PTPRT: variants seen among roughly 807,000 people sequenced by gnomAD.
PTPRT encodes the protein protein tyrosine phosphatase receptor type T.
A neutral mutation model predicts 176.8 loss-of-function variants in PTPRT; 56 were observed. That is an observed-to-expected ratio of 0.32 (90% CI 0.26 to 0.40). The LOEUF (loss-of-function observed/expected upper bound fraction) is 0.40, where lower values mean the gene tolerates loss of function less well. Ranked by LOEUF, PTPRT falls within the 10% of genes least tolerant of loss-of-function variation. The pLI is 1.00. For missense variants in PTPRT, 1,540 were observed against 1,908.2 expected, an observed-to-expected ratio of 0.81 and a Z score of 3.60; for synonymous variants, 783 against 739.0, an observed-to-expected ratio of 1.06 and a Z score of -0.96.
At chr20:42,971,840 C>A (rs1021586107) in intron 1 of PTPRT, among the ~76,000 whole-genome samples, 6 of 152,056 alleles carry the variant, frequency 3.9e-5, no homozygotes, top group Non-Finnish European at 8.8e-5. Flanking sequence ...ATTTCTAGAA[C>A]AAATGTTAAT....
intron 17 of PTPRT, among the ~76,000 whole-genome samples, chr20:42,156,158 G>A (rs1433782759): frequency 6.6e-6 from 1 of 152,136 alleles, no homozygotes; most frequent in African/African-American, 2.4e-5. Context: ...CTTCGGTTGA[G>A]GCTTCATGTC....
At chr20:42,453,675 T>TA (rs72516523) in intron 8 of PTPRT, among the ~76,000 whole-genome samples, 2 of 42,046 alleles carry the variant, frequency 4.8e-5, no homozygotes, top group African/African-American at 2.8e-4. Flanking sequence ...TTTTCTTTTC[T>TA]TTTTTTTTTT....
chr20:42,320,539 C>T (rs532752353), intron 11 of PTPRT, among the ~76,000 whole-genome samples: 6 of 152,306 alleles, frequency 3.9e-5, no homozygotes, highest in South Asian at 2.1e-4. Flanking sequence ...TTTTAGTCCA[C>T]GTTCTCCCAG....
intron 3 of PTPRT, among the ~76,000 whole-genome samples, chr20:42,787,934 T>C (rs1022689449): frequency 6.6e-6 from 1 of 152,144 alleles, no homozygotes; most frequent in Non-Finnish European, 1.5e-5. Context: ...TGCCAATATA[T>C]TACTAATATA....
rs777694770 is a variant in PTPRT at position 42,278,073 on chromosome 20, CTATATATATATATATA to C, written c.2176+4400_2176+4415del. On this transcript the variant is annotated intron_variant, in intron 13 of 30. Coordinates refer to ENST00000373187, the MANE Select transcript of PTPRT (RefSeq NM_007050.6). ...GATAGACATTAAACATGTAAGTAGA[CTATATATATATATATA>C]TATATATATATATATATATATATAT... Among the ~76,000 whole-genome samples the C allele has an allele frequency of 5.9e-3, 231 of 39,222 alleles. 2 individuals carry two copies. The highest frequency in any genetic ancestry group is 7.5e-3 in the Non-Finnish European group (141 of 18,806). The allele number at this position is 39,222 out of a possible 152,430, so 25.7% of individuals were successfully genotyped here.
At chr20:42,424,032 T>C (rs951675526) in intron 9 of PTPRT, among the ~76,000 whole-genome samples, 2 of 152,222 alleles carry the variant, frequency 1.3e-5, no homozygotes, top group Non-Finnish European at 2.9e-5. Context: ...AATTTAAAGC[T>C]TGTGCTAAAC....
intron 2 of PTPRT, among the ~76,000 whole-genome samples, chr20:42,855,365 C>A (rs1308004777): frequency 6.9e-6 from 1 of 145,136 alleles, no homozygotes; most frequent in Non-Finnish European, 1.5e-5. Context: ...ACTGCCCCAA[C>A]CTCATGCTAT....
intron 7 of PTPRT, 98 bp from the exon 8 acceptor site, chr20:42,472,660 A>G (rs887009977): frequency 3.3e-6 from 4 of 1,230,106 alleles, no homozygotes; most frequent in South Asian, 1.5e-5. Context: ...TTTTCCAAAC[A>G]TATCTCCACC....
intron 1 of PTPRT, among the ~76,000 whole-genome samples, chr20:42,920,172 C>T (rs562647389): frequency 1.3e-5 from 2 of 152,260 alleles, no homozygotes; most frequent in Admixed American, 6.5e-5. Flanking sequence ...AAAAAATAAG[C>T]GAATGGCTTA....
intron 16 of PTPRT, among the ~76,000 whole-genome samples, chr20:42,190,917 A>G (rs749873786): frequency 1.3e-5 from 2 of 152,204 alleles, no homozygotes; most frequent in Non-Finnish European, 2.9e-5. Flanking sequence ...ACAAAGCCTT[A>G]GGCAAATTCC....
At chr20:42,327,328 A>T (rs1184936006) in intron 11 of PTPRT, among the ~76,000 whole-genome samples, 2 of 152,090 alleles carry the variant, frequency 1.3e-5, no homozygotes, top group Non-Finnish European at 2.9e-5. Flanking sequence ...GCCCTTGCCA[A>T]CCAAATACAA....
intron 1 of PTPRT, among the ~76,000 whole-genome samples, chr20:43,135,746 A>G (rs2013811353): frequency 6.6e-6 from 1 of 152,248 alleles, no homozygotes; most frequent in Admixed American, 6.5e-5. Flanking sequence ...GATATCACAC[A>G]GCCCTTAAGG....
chr20:42,206,424 C>T (rs1380954684), intron 15 of PTPRT, among the ~76,000 whole-genome samples: 10 of 151,636 alleles, frequency 6.6e-5, no homozygotes, highest in South Asian at 2.1e-4. Context: ...AGTGGGTGCG[C>T]GCACCATGCG....
At chr20:43,011,448 C>A (rs188700274) in intron 1 of PTPRT, among the ~76,000 whole-genome samples, 27 of 152,212 alleles carry the variant, frequency 1.8e-4, no homozygotes, top group African/African-American at 6.0e-4. Context: ...GAAGTAAGAC[C>A]CACCAGCCCT....
chr20:42,282,422 G>A, intron 13 of PTPRT, 67 bp downstream of exon 13: 3 of 1,455,130 alleles, frequency 2.1e-6, no homozygotes, highest in Non-Finnish European at 2.8e-6. Flanking sequence ...CTTTCTCTGT[G>A]TGGCTAGAAA....
intron 1 of PTPRT, among the ~76,000 whole-genome samples, chr20:43,169,893 T>C (rs2014952727): frequency 6.6e-6 from 1 of 152,164 alleles, no homozygotes; most frequent in South Asian, 2.1e-4. Flanking sequence ...GGCTCTCCTC[T>C]GGAGGAAAAA....
At chr20:42,226,240 A>T (rs760351709) in intron 15 of PTPRT, among the ~76,000 whole-genome samples, 1 of 152,224 alleles carries the variant, frequency 6.6e-6, no homozygotes, top group Non-Finnish European at 1.5e-5. Flanking sequence ...AATGCTTATG[A>T]ATGAAATAAT....
chr20:42,219,614 G>A (rs1415617077), intron 15 of PTPRT, among the ~76,000 whole-genome samples: 1 of 152,208 alleles, frequency 6.6e-6, no homozygotes, highest in East Asian at 1.9e-4. Context: ...AATGCTTACT[G>A]AGTGCTTGCT....
intron 1 of PTPRT, among the ~76,000 whole-genome samples, chr20:42,939,566 G>A (rs1980413736): frequency 6.6e-6 from 1 of 152,076 alleles, no homozygotes; most frequent in Non-Finnish European, 1.5e-5. Flanking sequence ...CGGTCAAATG[G>A]AACTAAATCC....
Sources: gnomAD v4.1 joint callset for allele counts (sites outside exome capture counted in the v4.1 genomes callset) on GRCh38, gnomAD v4.1.1 for gene constraint, MANE v1.5 for transcripts, NCBI Gene and HGNC (gene_info 2026-07-23, HGNC 2026-07-21) for gene names.